Variants in PLEKHA1 observed in about 807,000 individuals in gnomAD.
The protein encoded by PLEKHA1 is pleckstrin homology domain-containing family A member 1.
PLEKHA1 carries 34 observed loss-of-function variants against 52.0 expected under a neutral mutation model. The ratio of observed to expected loss-of-function variants is 0.65; its 90% CI spans 0.50 to 0.87. PLEKHA1 has a LOEUF of 0.87. Among genes scored for constraint, PLEKHA1 ranks in the 40% least tolerant of loss-of-function variants. The pLI is 0.00. For synonymous variants in PLEKHA1, 163 were observed against 170.7 expected (o/e 0.95, Z 0.35); for missense variants, 497 against 504.2 (o/e 0.99, Z 0.14).
Position 122,431,276 on chromosome 10 carries a change from A to G in PLEKHA1, c.*1338A>G, listed in dbSNP as rs2097414381. The G allele has an allele frequency of 6.6e-6, 1 of 152,332 alleles. No homozygotes were observed. The highest frequency in any genetic ancestry group is 2.4e-5 in the African/African-American group (1 of 41,404). 9.4% of individuals were successfully genotyped at this position (152,332 alleles called of 1,614,324 possible). On this transcript the variant is annotated 3_prime_UTR_variant, in exon 12 of 12. Coordinates refer to ENST00000368990, the MANE Select transcript of PLEKHA1 (RefSeq NM_001001974.4). ...GCTAGGATTACAGGTGCATGCCACC[A>G]CACCTGGCTAATTTTTGTATTTTAG...
At chr10:122,412,270 G>C (rs2097115719) in intron 5 of PLEKHA1, 1 of 152,112 alleles carries the variant, frequency 6.6e-6, no homozygotes, top group Admixed American at 6.6e-5. Flanking sequence ...AATTTCTAAT[G>C]AAAAGTTTTG....
intron 1 of PLEKHA1, among the ~76,000 whole-genome samples, chr10:122,383,701 G>A (rs555670047): frequency 7.9e-5 from 12 of 152,070 alleles, no homozygotes; most frequent in East Asian, 3.9e-4. Flanking sequence ...TCACAATGCC[G>A]TTATCACACC....
intron 1 of PLEKHA1, among the ~76,000 whole-genome samples, chr10:122,392,049 C>G (rs1484910276): frequency 6.6e-6 from 1 of 152,092 alleles, no homozygotes; most frequent in East Asian, 1.9e-4. Context: ...AGAATAGTAA[C>G]AGCTGTCTGG....
At chr10:122,390,769 G>A (rs1195981048) in intron 1 of PLEKHA1, among the ~76,000 whole-genome samples, 1 of 152,124 alleles carries the variant, frequency 6.6e-6, no homozygotes, top group African/African-American at 2.4e-5. Flanking sequence ...TATCTGTGAA[G>A]TGCAATAAAA....
chr10:122,424,154 A>G (rs750106176), intron 8 of PLEKHA1, 45 bp from the exon 9 acceptor site: 2 of 1,527,208 alleles, frequency 1.3e-6, no homozygotes, highest in Non-Finnish European at 1.8e-6. Flanking sequence ...GATTTTAAGA[A>G]TAAACATCAT....
intron 9 of PLEKHA1, 116 bp downstream of exon 9, chr10:122,424,379 A>T: frequency 8.4e-7 from 1 of 1,197,516 alleles, no homozygotes; most frequent in Non-Finnish European, 1.1e-6. Context: ...GTTATTTTTA[A>T]CTCTTTATAG....
At chr10:122,383,320 T>TTTTTC (rs1180725141) in intron 1 of PLEKHA1, among the ~76,000 whole-genome samples, 1 of 137,378 alleles carries the variant, frequency 7.3e-6, no homozygotes, top group Non-Finnish European at 1.7e-5. Context: ...TCTGTTTTTT[T>TTTTTC]TTTTTCTTTT....
At chr10:122,375,809 T>C (rs2096526184) in intron 1 of PLEKHA1, among the ~76,000 whole-genome samples, 1 of 152,206 alleles carries the variant, frequency 6.6e-6, no homozygotes, top group Admixed American at 6.5e-5. Context: ...CTCGTCTGTT[T>C]GTTTCACCTT....
At chr10:122,395,378 G>A (rs140998994) in intron 2 of PLEKHA1, among the ~76,000 whole-genome samples, 83 of 152,062 alleles carry the variant, frequency 5.5e-4, no homozygotes, top group African/African-American at 1.8e-3. Context: ...CAGTGTATTA[G>A]CCATTAGTAC....
chr10:122,379,221 C>CG (rs752414906), intron 1 of PLEKHA1, among the ~76,000 whole-genome samples: 22 of 152,232 alleles, frequency 1.4e-4, no homozygotes, highest in Middle Eastern at 3.4e-3. Flanking sequence ...GTGTGTGAGT[C>CG]GGGGTGGAGA....
chr10:122,413,929 G>A (rs2097140243), intron 6 of PLEKHA1, among the ~76,000 whole-genome samples: 1 of 151,912 alleles, frequency 6.6e-6, no homozygotes, highest in Admixed American at 6.6e-5. Flanking sequence ...ACATTTTTCA[G>A]GTCTTTTGCT....
intron 6 of PLEKHA1, among the ~76,000 whole-genome samples, chr10:122,415,424 A>C (rs998509086): frequency 1.3e-5 from 2 of 152,220 alleles, no homozygotes; most frequent in African/African-American, 4.8e-5. Context: ...ATAGACACAC[A>C]TAGATGAATG....
At chr10:122,397,066 C>T (rs957352261) in intron 2 of PLEKHA1, among the ~76,000 whole-genome samples, 1 of 152,094 alleles carries the variant, frequency 6.6e-6, no homozygotes, top group Admixed American at 6.5e-5. Context: ...CCATTTTGTA[C>T]TACAATCTTA....
At chr10:122,427,377 A>G (rs2097354385) in intron 11 of PLEKHA1, among the ~76,000 whole-genome samples, 1 of 152,118 alleles carries the variant, frequency 6.6e-6, no homozygotes, top group African/African-American at 2.4e-5. Context: ...ATCATGTAAG[A>G]CTTTTAGTTG....
At chr10:122,395,362 G>T (rs1406257579) in intron 2 of PLEKHA1, among the ~76,000 whole-genome samples, 2 of 151,958 alleles carry the variant, frequency 1.3e-5, no homozygotes, top group African/African-American at 4.8e-5. Context: ...TCTTGATTCT[G>T]CCAGCCAGTG....
At chr10:122,397,313 A>T (rs1419224157) in intron 2 of PLEKHA1, among the ~76,000 whole-genome samples, 1 of 152,078 alleles carries the variant, frequency 6.6e-6, no homozygotes, top group East Asian at 1.9e-4. Flanking sequence ...AGCTCTTTTG[A>T]TGCAAACCAC....
chr10:122,381,201 C>T lies in PLEKHA1; in HGVS notation c.-21+6395C>T, dbSNP rs867166953. Reference sequence around the variant, plus strand: ...GGCCAGATCCAGGAGAGGCCCTTGGCAATAATCCAGGTGGGAGGTCATGGT... The same window carrying T: ...GGCCAGATCCAGGAGAGGCCCTTGGTAATAATCCAGGTGGGAGGTCATGGT... On this transcript the variant is annotated intron_variant, in intron 1 of 11. Transcript: ENST00000368990. Among the ~76,000 whole-genome samples, 11 of 152,120 alleles carry T rather than the reference C, an allele frequency of 7.2e-5. No individual in the cohort carries two copies. In the Middle Eastern group the frequency reaches 0.01, roughly 141 times the overall value.
chr10:122,423,953 G>T, intron 8 of PLEKHA1: 1 of 491,912 alleles, frequency 2.0e-6, no homozygotes, highest in Non-Finnish European at 3.4e-6. Flanking sequence ...TGCCCTTAAG[G>T]CCAGAAATAA....
At chr10:122,416,081 T>G in intron 7 of PLEKHA1, 79 bp downstream of exon 7, 2 of 1,446,424 alleles carry the variant, frequency 1.4e-6, no homozygotes, top group African/African-American at 1.4e-5. Context: ...GGAAATTGTT[T>G]GCTTTATTTT....
Sources: allele counts gnomAD v4.1 joint callset (sites outside exome capture counted in the v4.1 genomes callset), GRCh38; gene constraint gnomAD v4.1.1; transcripts MANE v1.5; gene names NCBI Gene and HGNC (gene_info 2026-07-23, HGNC 2026-07-21).